CHODL: variants seen among roughly 807,000 people sequenced by gnomAD.
The protein encoded by CHODL is chondrolectin, also known as transmembrane protein MT75.
A neutral mutation model predicts 34.5 loss-of-function variants in CHODL; 29 were observed. The observed-to-expected ratio is 0.84, with a 90% CI of 0.63 to 1.15. The LOEUF is 1.15. Among genes scored for constraint, CHODL ranks in the 50% most tolerant of loss-of-function variants. The pLI, the probability that CHODL is intolerant of heterozygous loss-of-function variation, is 0.00. For missense variants in CHODL, 332 were observed against 332.5 expected (o/e 1.00, Z 0.01); for synonymous variants, 125 against 116.1 (o/e 1.08, Z -0.49).
Position 18,052,346 on chromosome 21 carries a change from G to A in CHODL, c.-45+24375G>A, listed in dbSNP as rs147031265. ...GATGAGGAAGCTATGACCTATACAGGTGAAATGTGACTGGCCACAGCTTGT... is the reference window on the plus strand; with the variant it reads ...GATGAGGAAGCTATGACCTATACAGATGAAATGTGACTGGCCACAGCTTGT... On this transcript the variant is annotated intron_variant, in intron 2 of 6. Coordinates refer to the CHODL transcript ENST00000400127. Among the ~76,000 whole-genome samples, 149 of 151,912 alleles carry A rather than the reference G, an allele frequency of 9.8e-4. 2 individuals carry two copies. Among genetic ancestry groups the A allele is most frequent in the Admixed American group, 2.6e-3 (39 of 15,226 alleles).
chr21:18,248,546 A>G (rs1033002934), intron 1 of CHODL, among the ~76,000 whole-genome samples: 7 of 144,258 alleles, frequency 4.9e-5, no homozygotes, highest in Non-Finnish European at 9.0e-5. Context: ...CAAAGATGGC[A>G]GTATCTGTTA....
At chr21:17,973,108 G>A (rs776698514) in intron 1 of CHODL, among the ~76,000 whole-genome samples, 13 of 152,054 alleles carry the variant, frequency 8.5e-5, no homozygotes, top group Non-Finnish European at 1.8e-4. Context: ...ACTGAAACTG[G>A]ACCCCTTCCT....
chr21:18,111,894 C>G (rs1491780), intron 2 of CHODL, among the ~76,000 whole-genome samples: 52,510 of 151,996 alleles, frequency 0.35, 10,039 homozygotes, highest in East Asian at 0.73. Context: ...GGTGGAAATT[C>G]ATGTTTACTC....
At chr21:18,006,712 A>G (rs1414621002) in intron 1 of CHODL, among the ~76,000 whole-genome samples, 1 of 152,220 alleles carries the variant, frequency 6.6e-6, no homozygotes, top group South Asian at 2.1e-4. Context: ...TTATCTTTCT[A>G]TTGAGAAATA....
chr21:18,046,993 T>C (rs1245499964), intron 2 of CHODL, among the ~76,000 whole-genome samples: 1 of 151,914 alleles, frequency 6.6e-6, no homozygotes, highest in African/African-American at 2.4e-5. Flanking sequence ...AGGGCTAAAA[T>C]TGCATCACAA....
intron 2 of CHODL, among the ~76,000 whole-genome samples, chr21:18,191,209 C>A (rs2073506643): frequency 6.6e-6 from 1 of 152,030 alleles, no homozygotes; most frequent in Non-Finnish European, 1.5e-5. Flanking sequence ...ACTCTAGAAA[C>A]CTGAACTCAG....
At chr21:18,062,503 C>G (rs565414104) in intron 2 of CHODL, among the ~76,000 whole-genome samples, 2 of 151,990 alleles carry the variant, frequency 1.3e-5, no homozygotes, top group Admixed American at 6.6e-5. Flanking sequence ...TGGTGGCTCA[C>G]GACTGTAATC....
At chr21:18,202,794 A>T (rs2073669109) in intron 2 of CHODL, among the ~76,000 whole-genome samples, 1 of 152,222 alleles carries the variant, frequency 6.6e-6, no homozygotes, top group Non-Finnish European at 1.5e-5. Context: ...TTTGGTTTTT[A>T]ATACAGTGAC....
In CHODL at chr21:18,063,002, A is replaced by T. The variant is rs142291191; in HGVS notation, c.-45+35031A>T. 3.7e-3 allele frequency among the ~76,000 whole-genome samples: 559 copies of T among 152,312 alleles called. 6 individuals are homozygous for T. Among genetic ancestry groups the T allele is most frequent in the African/African-American group, 0.013 (548 of 41,570 alleles). On this transcript the variant is annotated intron_variant, in intron 2 of 6. Coordinates refer to the CHODL transcript ENST00000400127. Reference sequence around the variant, plus strand: ...ATATATGAAAACTTCAGAAAAACTCAAAGAAACGTGAGAAAAAAGCAGAAT... The same window carrying T: ...ATATATGAAAACTTCAGAAAAACTCTAAGAAACGTGAGAAAAAAGCAGAAT...
intron 2 of CHODL, among the ~76,000 whole-genome samples, chr21:18,075,199 C>T (rs1372483809): frequency 6.6e-6 from 1 of 152,196 alleles, no homozygotes; most frequent in Non-Finnish European, 1.5e-5. Flanking sequence ...AGAATGCTCT[C>T]AGCCTCATGC....
chr21:17,958,600 T>C (rs1041926656), intron 1 of CHODL, among the ~76,000 whole-genome samples: 2 of 152,126 alleles, frequency 1.3e-5, no homozygotes, highest in Non-Finnish European at 2.9e-5. Flanking sequence ...GGAACAGGCA[T>C]CCAGTGTTGG....
chr21:18,007,104 G>T lies in CHODL; in HGVS notation c.-144-20768G>T, dbSNP rs138386374. On this transcript the variant is annotated intron_variant, in intron 1 of 6. Transcript: ENST00000400127. The stretch of plus-strand genomic sequence containing the variant: ...AATGTGTACTTAGGAGAGGTTCAAA[G>T]AATACGTGTGGAATTGAATTTTAAA... Among the ~76,000 whole-genome samples the T allele has an allele frequency of 4.6e-5, 7 of 152,182 alleles. 1 individual carries two copies. In the East Asian group the frequency reaches 1.4e-3, roughly 29 times the overall value.
chr21:18,205,093 G>T (rs2146714027), intron 2 of CHODL, among the ~76,000 whole-genome samples: 1 of 152,240 alleles, frequency 6.6e-6, no homozygotes, highest in East Asian at 1.9e-4. Context: ...TCTCTTGTGT[G>T]ATTGCTCTAG....
intron 2 of CHODL, among the ~76,000 whole-genome samples, chr21:18,056,175 G>A (rs1213040395): frequency 6.6e-6 from 1 of 151,858 alleles, no homozygotes; most frequent in Non-Finnish European, 1.5e-5. Flanking sequence ...TCATTTGGAG[G>A]GATGTAGAAA....
At chr21:18,119,195 C>T (rs2065449761) in intron 2 of CHODL, among the ~76,000 whole-genome samples, 1 of 151,992 alleles carries the variant, frequency 6.6e-6, no homozygotes, top group South Asian at 2.1e-4. Context: ...ACATACCCAT[C>T]ATTCTCAAAG....
chr21:17,954,864 CTTA>C (rs1198243145), intron 1 of CHODL, among the ~76,000 whole-genome samples: 1 of 123,730 alleles, frequency 8.1e-6, no homozygotes, highest in African/African-American at 2.7e-5. Flanking sequence ...ATATATAATT[CTTA>C]TATATTTATA....
At chr21:18,153,830 A>G (rs1490191242) in intron 2 of CHODL, among the ~76,000 whole-genome samples, 3 of 152,144 alleles carry the variant, frequency 2.0e-5, no homozygotes, top group Non-Finnish European at 4.4e-5. Flanking sequence ...TTCCTCTAAA[A>G]TATCAGTGGC....
intron 2 of CHODL, among the ~76,000 whole-genome samples, chr21:18,159,075 T>G (rs2146639902): frequency 6.6e-6 from 1 of 152,320 alleles, no homozygotes; most frequent in South Asian, 2.1e-4. Flanking sequence ...GCAGTGGTTC[T>G]TAAATGCAGA....
chr21:17,974,116 A>G (rs973701208), intron 1 of CHODL, among the ~76,000 whole-genome samples: 11 of 152,324 alleles, frequency 7.2e-5, no homozygotes, highest in African/African-American at 2.6e-4. Context: ...GGGGATTTTG[A>G]ATCCAACATG....
Sources: gnomAD v4.1 joint callset for allele counts (sites outside exome capture counted in the v4.1 genomes callset) on GRCh38, gnomAD v4.1.1 for gene constraint, MANE v1.5 for transcripts, NCBI Gene and HGNC (gene_info 2026-07-23, HGNC 2026-07-21) for gene names.